The following CIITA variants were observed in gnomAD, a reference collection of about 807,000 sequenced individuals.
CIITA encodes the protein MHC class II transactivator.
In CIITA, 72 loss-of-function variants were observed where a neutral mutation model predicts 115.1. The observed-to-expected ratio is 0.63, with a 90% CI of 0.52 to 0.76. The LOEUF is 0.76. Among genes scored for constraint, CIITA ranks in the 30% least tolerant of loss-of-function variants. The pLI, the probability that CIITA is intolerant of heterozygous loss-of-function variation, is 0.00. For missense variants in CIITA, 1,617 were observed against 1,463.8 expected, an observed-to-expected ratio of 1.10 and a Z score of -1.71; for synonymous variants, 763 against 635.6, an observed-to-expected ratio of 1.20 and a Z score of -3.02.
chr16:10,877,531 T>A lies in CIITA; in HGVS notation c.52+149T>A, dbSNP rs778586659. 1.7e-4 allele frequency: 151 copies of A among 876,660 alleles called. 1 individual carries two copies. Among genetic ancestry groups the A allele is most frequent in the Non-Finnish European group, 2.5e-4 (135 of 532,136 alleles). The allele number at this position is 876,660 out of a possible 1,614,324, so 54.3% of individuals were successfully genotyped here. A position where few individuals can be genotyped will look rare whatever the true frequency, so the allele number is the denominator to read the frequency against. On this transcript the variant is annotated intron_variant, in intron 1 of 19. Coordinates refer to ENST00000324288, the MANE Select transcript of CIITA (RefSeq NM_000246.4). Reference sequence around the variant, plus strand: ...CCTGCTGGGGCAGGCCATTGGAAGATGTGAAAGAGTTGTCTATTTCCTTCC... The same window carrying A: ...CCTGCTGGGGCAGGCCATTGGAAGAAGTGAAAGAGTTGTCTATTTCCTTCC...
chr16:10,889,901 C>A (rs1478939898), intron 1 of CIITA, among the ~76,000 whole-genome samples: 5 of 152,218 alleles, frequency 3.3e-5, no homozygotes, highest in Non-Finnish European at 7.3e-5. Flanking sequence ...AGCTCCTAAA[C>A]CACATGACCT....
chr16:10,938,148 A>G (rs1262546657), downstream of CIITA: 1 of 152,222 alleles, frequency 6.6e-6, no homozygotes, highest in African/African-American at 2.4e-5. This position sits in a 1 kb window ranked among gnomAD's most constrained non-coding sequence, Gnocchi z 4.9. Context: ...TGCTTTATGT[A>G]TATCTCACCT....
chr16:10,911,337 TC>T (rs2039557604), intron 13 of CIITA, among the ~76,000 whole-genome samples: 2 of 135,972 alleles, frequency 1.5e-5, no homozygotes, highest in South Asian at 2.9e-4. Flanking sequence ...CCTCCCTTCT[TC>T]CCCCTTTTCT....
At chr16:10,880,102 C>T (rs957062488) in intron 1 of CIITA, among the ~76,000 whole-genome samples, 9 of 152,192 alleles carry the variant, frequency 5.9e-5, no homozygotes, top group African/African-American at 2.2e-4. Context: ...AACTTGACTC[C>T]AACAAATGAT....
chr16:10,941,769 G>C lies in CIITA; in HGVS notation n.895G>C. ...CGAGCTCCGAGTCAGCATCGTAAAGGCCCGAGCCGGGGTCGGAGAGCACGC... is the reference window on the plus strand; with the variant it reads ...CGAGCTCCGAGTCAGCATCGTAAAGCCCCGAGCCGGGGTCGGAGAGCACGC... On this transcript the variant is annotated non_coding_transcript_exon_variant, in exon 2 of 2. Coordinates refer to the CIITA transcript ENST00000573379. The surrounding 1 kb of genome is among the most constrained non-coding windows in gnomAD (Gnocchi z 6.4). The C allele has an allele frequency of 5.0e-6, 8 of 1,613,512 alleles. No individual in the cohort carries two copies. Among genetic ancestry groups the C allele is most frequent in the Non-Finnish European group, 5.9e-6 (7 of 1,179,762 alleles).
At chr16:10,881,633 C>A (rs1017116047) in intron 1 of CIITA, among the ~76,000 whole-genome samples, 1 of 152,104 alleles carries the variant, frequency 6.6e-6, no homozygotes, top group Admixed American at 6.5e-5. Context: ...TCCGTTTATA[C>A]ATGGAAAAAA....
At chr16:10,941,034 G>C (rs1469612006), downstream of CIITA, 5 of 152,278 alleles carry the variant, frequency 3.3e-5, no homozygotes, top group Non-Finnish European at 7.3e-5. The surrounding 1 kb of genome is among the most constrained non-coding windows in gnomAD (Gnocchi z 6.4). Context: ...AAGGAAGTAC[G>C]GGCTTCTTTG....
At chr16:10,877,638 T>C (rs2035961785) in intron 1 of CIITA, among the ~76,000 whole-genome samples, 1 of 152,174 alleles carries the variant, frequency 6.6e-6, no homozygotes, top group African/African-American at 2.4e-5. Context: ...AGTCAGACTT[T>C]CGGGCAGTGT....
rs1431437077 is a variant in CIITA at position 10,926,139 on chromosome 16, C to G, written c.*2284C>G. On this transcript the variant is annotated 3_prime_UTR_variant, in exon 20 of 20. Coordinates refer to ENST00000324288, the MANE Select transcript of CIITA (RefSeq NM_000246.4). ...AGTGCCCACAGGATCAGTCTGATTC[C>G]CAAGCTCTGCTCCTCTCCCCAGCAA... 6.6e-6 allele frequency: 1 copy of G among 152,238 alleles called. No individual in the cohort carries two copies. The highest frequency in any genetic ancestry group is 1.5e-5 in the Non-Finnish European group (1 of 68,058). 9.4% of individuals were successfully genotyped at this position (152,238 alleles called of 1,614,324 possible).
intron 1 of CIITA, among the ~76,000 whole-genome samples, chr16:10,886,499 A>G (rs2036967951): frequency 6.6e-6 from 1 of 152,088 alleles, no homozygotes; most frequent in African/African-American, 2.4e-5. Flanking sequence ...TAGACCCAAG[A>G]GCTGAATTGC....
intron 15 of CIITA, among the ~76,000 whole-genome samples, chr16:10,918,003 C>T (rs1596598999): frequency 6.6e-6 from 1 of 152,186 alleles, no homozygotes; most frequent in Admixed American, 6.5e-5. Flanking sequence ...ACCCGCCACC[C>T]CACTTAAGTA....
At chr16:10,888,452 TG>T (rs1445264871) in intron 1 of CIITA, 11 of 152,360 alleles carry the variant, frequency 7.2e-5, no homozygotes, top group African/African-American at 2.6e-4. Context: ...ATGCATGCAC[TG>T]ATCTTCAGAT....
At position 10,924,770 on chromosome 16, in the gene CIITA, C is replaced by T. The variant is rs2040462242; in HGVS notation, c.*915C>T. 1 of 152,256 alleles carries T rather than the reference C, an allele frequency of 6.6e-6. No homozygotes were observed. Among genetic ancestry groups the T allele is most frequent in the South Asian group, 2.1e-4 (1 of 4,828 alleles). The allele number at this position is 152,256 out of a possible 1,614,324, so 9.4% of individuals were successfully genotyped here. A position where few individuals can be genotyped will look rare whatever the true frequency, so the allele number is the denominator to read the frequency against. On this transcript the variant is annotated 3_prime_UTR_variant, in exon 20 of 20. Coordinates refer to ENST00000324288, the MANE Select transcript of CIITA (RefSeq NM_000246.4). ...CTTAGCAGGGAAACAGCTAATGGGA[C>T]ACTAATGGGGCGGTGAGAGGGGAAC...
At chr16:10,897,060 T>C (rs537649929) in intron 3 of CIITA, among the ~76,000 whole-genome samples, 3 of 152,312 alleles carry the variant, frequency 2.0e-5, no homozygotes, top group South Asian at 4.1e-4. Context: ...CTTAGTGGCA[T>C]CTCCACAGGC....
At position 10,936,092 on chromosome 16, in the gene CIITA, G is replaced by C. The variant is rs2041012370; in HGVS notation, c.*12237G>C. The stretch of plus-strand genomic sequence containing the variant: ...TGCAGCCTTGAACTCCCGGACTCAA[G>C]CAATCCTCCTGCCTGAGCCTTCCGA... On this transcript the variant is annotated 3_prime_UTR_variant, in exon 20 of 20. Transcript: ENST00000324288. 1 of 151,804 alleles carries C rather than the reference G, an allele frequency of 6.6e-6. No individual in the cohort carries two copies. Among genetic ancestry groups the C allele is most frequent in the Non-Finnish European group, 1.5e-5 (1 of 68,020 alleles). 9.4% of individuals were successfully genotyped at this position (151,804 alleles called of 1,614,324 possible).
In CIITA at chr16:10,901,084, G is replaced by A. The variant is rs1375034393; in HGVS notation, c.437-430G>A. Among the ~76,000 whole-genome samples, 26 of 152,242 alleles carry A rather than the reference G, an allele frequency of 1.7e-4. No individual in the cohort carries two copies. On this transcript the variant is annotated intron_variant, in intron 5 of 19. Transcript: ENST00000324288. This position sits in a 1 kb window ranked among gnomAD's most constrained non-coding sequence, Gnocchi z 6.8. ...GGGACACGTGGGTTTTTAATCTGTT[G>A]CTGTGAGTGCTTGATACTCACTCAC...
chr16:10,884,883 T>C (rs1349978720), intron 1 of CIITA, among the ~76,000 whole-genome samples: 1 of 151,914 alleles, frequency 6.6e-6, no homozygotes, highest in Non-Finnish European at 1.5e-5. Flanking sequence ...AAAAAGACCC[T>C]ACTGTACACC....
intron 1 of CIITA, among the ~76,000 whole-genome samples, chr16:10,894,627 G>T (rs75054867): frequency 3.5e-3 from 527 of 152,322 alleles, no homozygotes; most frequent in Non-Finnish European, 6.1e-3. Context: ...TATTTAATAT[G>T]CCCTTCAACA....
intron 1 of CIITA, among the ~76,000 whole-genome samples, chr16:10,871,098 G>C (rs1359121216): frequency 6.6e-6 from 1 of 152,200 alleles, no homozygotes; most frequent in South Asian, 2.1e-4. Context: ...ATTCCAAGAG[G>C]TATGACTTTG....
Sources: gnomAD v4.1 joint callset for allele counts (sites outside exome capture counted in the v4.1 genomes callset) on GRCh38, gnomAD v4.1.1 for gene constraint, Gnocchi (gnomAD v3.1) non-coding constraint, MANE v1.5 for transcripts, NCBI Gene and HGNC (gene_info 2026-07-23, HGNC 2026-07-21) for gene names.